CYSLTR2: variants seen among roughly 807,000 people sequenced by gnomAD.
The protein encoded by CYSLTR2 is cysteinyl leukotriene receptor 2.
For synonymous variants in CYSLTR2, 179 were observed against 160.8 expected, an observed-to-expected ratio of 1.11 and a Z score of -0.86; for missense variants, 398 against 411.9, an observed-to-expected ratio of 0.97 and a Z score of 0.29.
chr13:48,682,331 A>G (rs529920991), intron 1 of CYSLTR2, among the ~76,000 whole-genome samples: 2 of 152,256 alleles, frequency 1.3e-5, no homozygotes, highest in East Asian at 3.9e-4. Context: ...AGATTGAGTT[A>G]AGACACTCTC....
intron 1 of CYSLTR2, among the ~76,000 whole-genome samples, chr13:48,685,799 A>T (rs1953881429): frequency 6.6e-6 from 1 of 152,216 alleles, no homozygotes; most frequent in Admixed American, 6.5e-5. Flanking sequence ...AAGTCTGATT[A>T]TGCAGAACAT....
intron 4 of CYSLTR2, among the ~76,000 whole-genome samples, chr13:48,697,753 G>A (rs1014068471): frequency 6.6e-6 from 1 of 152,144 alleles, no homozygotes; most frequent in Non-Finnish European, 1.5e-5. Context: ...CCATCACAAA[G>A]AAGCTAAAAA....
In CYSLTR2 at chr13:48,685,681, G is replaced by C. The variant is rs149604831; in HGVS notation, c.-265-5531G>C. On this transcript the variant is annotated intron_variant, in intron 1 of 4. Coordinates refer to ENST00000682523, the MANE Select transcript of CYSLTR2 (RefSeq NM_001308476.3). ...ACTCATGTTCCTTTACTCCCTTGCT[G>C]GTTGATCTAGCCTATTAGGTGATAG... Among the ~76,000 whole-genome samples the C allele has an allele frequency of 9.7e-4, 147 of 152,198 alleles. 2 individuals carry two copies. Among genetic ancestry groups the C allele is most frequent in the African/African-American group, 3.3e-3 (136 of 41,516 alleles).
intron 1 of CYSLTR2, among the ~76,000 whole-genome samples, chr13:48,655,203 G>A (rs1307681003): frequency 6.6e-6 from 1 of 152,198 alleles, no homozygotes; most frequent in Non-Finnish European, 1.5e-5. Flanking sequence ...TGTTCTAAAT[G>A]TATCTGAATC....
At chr13:48,694,929 C>G (rs191358619) in intron 3 of CYSLTR2, 1 of 152,018 alleles carries the variant, frequency 6.6e-6, no homozygotes, top group Non-Finnish European at 1.5e-5. Flanking sequence ...GTATTCTGTT[C>G]AAGCCACACC....
chr13:48,705,525 T>C (rs1954457509), intron 4 of CYSLTR2, among the ~76,000 whole-genome samples: 1 of 151,134 alleles, frequency 6.6e-6, no homozygotes, highest in Non-Finnish European at 1.5e-5. Flanking sequence ...AATTCCATTT[T>C]TATTTATCTG....
Position 48,679,021 on chromosome 13 carries a change from G to A in CYSLTR2, c.-265-12191G>A, listed in dbSNP as rs1247844824. Among the ~76,000 whole-genome samples, 5 of 152,094 alleles carry A rather than the reference G, an allele frequency of 3.3e-5. No individual in the cohort carries two copies. In the East Asian group the frequency reaches 9.6e-4, roughly 29 times the overall value. On this transcript the variant is annotated intron_variant, in intron 1 of 4. Coordinates refer to ENST00000682523, the MANE Select transcript of CYSLTR2 (RefSeq NM_001308476.3). Reference sequence around the variant, plus strand: ...ATTTCAGAGGCTCTCACTGCCCTCAGGATGAAATCCCAATTCCTTGGTATG... The same window carrying A: ...ATTTCAGAGGCTCTCACTGCCCTCAAGATGAAATCCCAATTCCTTGGTATG...
At chr13:48,696,200 T>A (rs1225548747) in intron 3 of CYSLTR2, among the ~76,000 whole-genome samples, 1 of 152,248 alleles carries the variant, frequency 6.6e-6, no homozygotes, top group Non-Finnish European at 1.5e-5. Flanking sequence ...TCCCCTGAAA[T>A]GTTTGTTTCT....
At chr13:48,670,175 T>C (rs1014468753) in intron 1 of CYSLTR2, among the ~76,000 whole-genome samples, 1 of 152,234 alleles carries the variant, frequency 6.6e-6, no homozygotes, top group South Asian at 2.1e-4. Context: ...TTCTGGATAT[T>C]AGCCCTTTGT....
intron 1 of CYSLTR2, among the ~76,000 whole-genome samples, chr13:48,674,481 T>A (rs1230412396): frequency 6.6e-6 from 1 of 152,246 alleles, no homozygotes; most frequent in Non-Finnish European, 1.5e-5. Context: ...AGGTCTTTTA[T>A]GTTCTGCTCT....
chr13:48,703,168 T>C (rs2138993629), intron 4 of CYSLTR2, among the ~76,000 whole-genome samples: 1 of 152,304 alleles, frequency 6.6e-6, no homozygotes, highest in East Asian at 1.9e-4. Context: ...TTATTAGCTC[T>C]ATGAGATTTT....
In CYSLTR2 at chr13:48,707,425, A is replaced by G. The variant is rs200456558; in HGVS notation, c.608A>G (p.Tyr203Cys). 4.0e-5 allele frequency: 65 copies of G among 1,613,996 alleles called. No homozygotes were observed. Among genetic ancestry groups the G allele is most frequent in the Non-Finnish European group, 4.8e-5 (57 of 1,180,036 alleles). ...ATTGCTAAGCTGCAGACCATGAACT[A>G]TATTGCCTTGGTGGTGGGCTGCCTG... ...YKIAKLQTMN[Y>C]IALVVGCLLP... Residue 203 changes from tyrosine (Y) to cysteine (C), a missense_variant, in exon 5 of 5, where the codon TAT becomes TGT. Transcript: ENST00000682523.
chr13:48,705,578 A>C lies in CYSLTR2; in HGVS notation c.-1-1239A>C, dbSNP rs186461984. Among the ~76,000 whole-genome samples the C allele has an allele frequency of 1.5e-3, 230 of 149,396 alleles. 3 individuals carry two copies. The highest frequency in any genetic ancestry group is 4.1e-3 in the African/African-American group (168 of 41,062). ...TCCCTTTGTATATCATTTTAGTGGA[A>C]GCTCTAGGTATTTCTCTCTATATAT... On this transcript the variant is annotated intron_variant, in intron 4 of 4. Transcript: ENST00000682523.
In CYSLTR2 at chr13:48,707,361, G is replaced by T. The variant is rs201906229; in HGVS notation, c.544G>T (p.Gly182Cys). 6.2e-7 allele frequency: 1 copy of T among 1,614,028 alleles called. No homozygotes were observed. The highest frequency in any genetic ancestry group is 2.2e-5 in the East Asian group (1 of 44,886). ...CCTGGACAGTGGCTCTGAGCAGAAC[G>T]GCAGTGTCACATCATGCTTAGAGCT... is the stretch of plus-strand genomic sequence containing the variant. ...MLLDSGSEQN[G>C]SVTSCLELNL... Residue 182 changes from glycine (G) to cysteine (C), a missense_variant, in exon 5 of 5, where the codon GGC (glycine) becomes TGC (cysteine). Transcript: ENST00000682523.
intron 4 of CYSLTR2, among the ~76,000 whole-genome samples, chr13:48,696,835 G>C (rs1954200164): frequency 6.6e-6 from 1 of 152,240 alleles, no homozygotes; most frequent in Admixed American, 6.5e-5. Context: ...CACACCAGGA[G>C]ATTATATCCC....
At chr13:48,700,121 A>G (rs1156710445) in intron 4 of CYSLTR2, among the ~76,000 whole-genome samples, 1 of 152,218 alleles carries the variant, frequency 6.6e-6, no homozygotes, top group Non-Finnish European at 1.5e-5. Context: ...TCCTTCTGAA[A>G]CTATTCCAAT....
chr13:48,680,795 CTTTTCT>C (rs370687761), intron 1 of CYSLTR2, among the ~76,000 whole-genome samples: 5,138 of 110,460 alleles, frequency 0.047, 63 homozygotes, highest in African/African-American at 0.12. Flanking sequence ...CTTTTCTTTT[CTTTTCT>C]TTTTTTTTTT....
chr13:48,700,584 G>A (rs1258900243), intron 4 of CYSLTR2, among the ~76,000 whole-genome samples: 2 of 152,214 alleles, frequency 1.3e-5, no homozygotes, highest in East Asian at 1.9e-4. Context: ...AAAATTGGAA[G>A]CATTCCCTTT....
At position 48,708,280 on chromosome 13, in the gene CYSLTR2, C is replaced by A. The variant is rs1358121742; in HGVS notation, c.*422C>A. The A allele has an allele frequency of 1.2e-5, 2 of 169,872 alleles. No individual in the cohort carries two copies. The highest frequency in any genetic ancestry group is 4.8e-5 in the African/African-American group (2 of 41,494). The allele number at this position is 169,872 out of a possible 1,614,324, so 10.5% of individuals were successfully genotyped here. A position where few individuals can be genotyped will look rare whatever the true frequency, so the allele number is the denominator to read the frequency against. On this transcript the variant is annotated 3_prime_UTR_variant, in exon 5 of 5. Transcript: ENST00000682523. ...CAACTAACGACGCTACTGGAAGCCC[C>A]AGAGCAGAAAAGAAGCACATCCTAA...
Sources: allele counts gnomAD v4.1 joint callset (sites outside exome capture counted in the v4.1 genomes callset), GRCh38; gene constraint gnomAD v4.1.1; transcripts MANE v1.5; gene names NCBI Gene and HGNC (gene_info 2026-07-23, HGNC 2026-07-21).